Variants in NEK1 observed in about 807,000 individuals in gnomAD.
NEK1 encodes serine/threonine-protein kinase Nek1.
In NEK1, 137 loss-of-function variants were observed where a neutral mutation model predicts 182.1. The ratio of observed to expected loss-of-function variants is 0.75; its 90% CI spans 0.65 to 0.87. NEK1 has a LOEUF of 0.87. NEK1 is among the 40% of genes least tolerant of loss of function. The pLI, the probability that NEK1 is intolerant of heterozygous loss-of-function variation, is 0.00. For missense variants in NEK1, 1,391 were observed against 1,494.4 expected, an observed-to-expected ratio of 0.93 and a Z score of 1.14; for synonymous variants, 513 against 492.2, an observed-to-expected ratio of 1.04 and a Z score of -0.56.
At chr4:169,496,869 T>C (rs1439267164) in intron 23 of NEK1, among the ~76,000 whole-genome samples, 1 of 152,216 alleles carries the variant, frequency 6.6e-6, no homozygotes, top group Non-Finnish European at 1.5e-5. Context: ...AATTCTCTTT[T>C]TTTGTTGTGT....
chr4:169,444,940 C>T (rs1044698860), intron 27 of NEK1, among the ~76,000 whole-genome samples: 9 of 152,212 alleles, frequency 5.9e-5, no homozygotes, highest in Non-Finnish European at 8.8e-5. Context: ...AAATCAATCA[C>T]GAGAGGAACT....
intron 18 of NEK1, among the ~76,000 whole-genome samples, chr4:169,543,717 G>T (rs1321974754): frequency 2.0e-5 from 3 of 152,136 alleles, no homozygotes; most frequent in Non-Finnish European, 2.9e-5. Flanking sequence ...TTGTAAGTTG[G>T]ATTCCCAGGT....
In NEK1 at chr4:169,502,972, G is replaced by A. The variant is rs527697680; in HGVS notation, c.2007+4065C>T. Among the ~76,000 whole-genome samples the A allele has an allele frequency of 7.2e-5, 11 of 151,884 alleles. No individual in the cohort carries two copies. In the South Asian group the frequency reaches 2.3e-3, roughly 31 times the overall value. On this transcript the variant is annotated intron_variant, in intron 23 of 35. Coordinates refer to ENST00000507142, the MANE Select transcript of NEK1 (RefSeq NM_001199397.3). ...TTGTGGACAATTTAATTCTGTACCT[G>A]GAAAATTCTAACAATTCCACCATGA... is the stretch of plus-strand genomic sequence containing the variant.
chr4:169,601,530 A>G (rs943059180), intron 4 of NEK1, among the ~76,000 whole-genome samples: 52 of 152,146 alleles, frequency 3.4e-4, no homozygotes, highest in Non-Finnish European at 7.4e-5. Context: ...AGTGAGGTAC[A>G]GAGGAGCATA....
intron 26 of NEK1, among the ~76,000 whole-genome samples, chr4:169,470,108 G>C (rs1745678129): frequency 6.6e-6 from 1 of 151,930 alleles, no homozygotes; most frequent in African/African-American, 2.4e-5. Context: ...CTTTTAATTG[G>C]GGCATTTAGC....
At chr4:169,598,973 T>C in intron 5 of NEK1, 127 bp downstream of exon 5, 1 of 668,398 alleles carries the variant, frequency 1.5e-6, no homozygotes, top group South Asian at 1.9e-5. Context: ...GAGTAAACTA[T>C]TGATATACTA....
intron 33 of NEK1, 21 bp from the exon 34 acceptor site, chr4:169,400,672 A>G (rs1731508090): frequency 1.3e-6 from 2 of 1,531,186 alleles, no homozygotes; most frequent in African/African-American, 1.4e-5. Context: ...AAATTAAAAT[A>G]GAGATTTGAT....
chr4:169,507,661 C>T (rs1014968724), intron 22 of NEK1, 54 bp downstream of exon 22: 8 of 1,284,782 alleles, frequency 6.2e-6, no homozygotes, highest in Non-Finnish European at 7.8e-6. Context: ...ACACAATTTG[C>T]TATCTCAGCT....
Position 169,570,430 on chromosome 4 carries a change from C to A in NEK1, c.1020+6498G>T, listed in dbSNP as rs1221413315. 1.4e-4 allele frequency among the ~76,000 whole-genome samples: 21 copies of A among 151,734 alleles called. 1 individual carries two copies. Among genetic ancestry groups the A allele is most frequent in the Non-Finnish European group, 2.8e-4 (19 of 67,816 alleles). On this transcript the variant is annotated intron_variant, in intron 12 of 35. Transcript: ENST00000507142. ...GTTGGGGGGTCAGCCCCCCACCAGG[C>A]CAGCCGCCCAGTCTGGGAGGGAGGT...
chr4:169,407,339 C>A (rs913861016), intron 31 of NEK1, among the ~76,000 whole-genome samples: 1 of 152,204 alleles, frequency 6.6e-6, no homozygotes, highest in Non-Finnish European at 1.5e-5. Context: ...ATTGTAGGAA[C>A]TGCTGATTAG....
At chr4:169,501,358 T>C (rs1299629408) in intron 23 of NEK1, among the ~76,000 whole-genome samples, 1 of 151,276 alleles carries the variant, frequency 6.6e-6, no homozygotes, top group Admixed American at 6.6e-5. Flanking sequence ...GGCCCAAAAC[T>C]AATAAATTCT....
At chr4:169,408,933 G>A (rs897112855) in intron 31 of NEK1, among the ~76,000 whole-genome samples, 8 of 152,030 alleles carry the variant, frequency 5.3e-5, no homozygotes, top group Non-Finnish European at 1.5e-5. Context: ...CTATAAACAT[G>A]GGTGTGTGTG....
At chr4:169,491,582 C>T (rs547702600) in intron 23 of NEK1, among the ~76,000 whole-genome samples, 1 of 150,472 alleles carries the variant, frequency 6.6e-6, no homozygotes, top group Non-Finnish European at 1.5e-5. Flanking sequence ...GAATTCATCA[C>T]CTCTAGAACT....
intron 19 of NEK1, among the ~76,000 whole-genome samples, chr4:169,521,647 G>C (rs1233048785): frequency 6.6e-6 from 1 of 152,190 alleles, no homozygotes; most frequent in African/African-American, 2.4e-5. Context: ...TCCTGCATTT[G>C]AGAGTGTCTT....
At chr4:169,494,636 T>C (rs1011859316) in intron 23 of NEK1, among the ~76,000 whole-genome samples, 3 of 152,196 alleles carry the variant, frequency 2.0e-5, no homozygotes, top group Non-Finnish European at 4.4e-5. Context: ...CTGGGTCAAA[T>C]GGTATTTCTA....
At chr4:169,428,538 A>G (rs1736847139) in intron 29 of NEK1, among the ~76,000 whole-genome samples, 1 of 151,834 alleles carries the variant, frequency 6.6e-6, no homozygotes, top group South Asian at 2.1e-4. Context: ...CAGAGACAGA[A>G]AGCAGATTAG....
chr4:169,570,553 TG>T (rs1364941376), intron 12 of NEK1, among the ~76,000 whole-genome samples: 1 of 139,226 alleles, frequency 7.2e-6, no homozygotes, highest in Admixed American at 7.1e-5. Flanking sequence ...GGGAGGGAGG[TG>T]GGGGGGTCAG....
At chr4:169,596,404 T>C (rs1002489186) in intron 5 of NEK1, among the ~76,000 whole-genome samples, 1 of 152,222 alleles carries the variant, frequency 6.6e-6, no homozygotes, top group Non-Finnish European at 1.5e-5. Context: ...AAATTATTTA[T>C]GGTCACATGT....
At position 169,433,531 on chromosome 4, in the gene NEK1, A is replaced by G; in HGVS notation, c.2885+14T>C. ...GGACCTGGGTTTTAAAATGTCAGGAAAAGATGTACATACTGAGTTTCCTTT... is the reference window on the plus strand; with the variant it reads ...GGACCTGGGTTTTAAAATGTCAGGAGAAGATGTACATACTGAGTTTCCTTT... On this transcript the variant is annotated intron_variant, in intron 29 of 35. Transcript: ENST00000507142. The G allele has an allele frequency of 6.3e-7, 1 of 1,593,938 alleles. No individual in the cohort carries two copies. Among genetic ancestry groups the G allele is most frequent in the Non-Finnish European group, 8.5e-7 (1 of 1,173,304 alleles).
Sources: allele counts gnomAD v4.1 joint callset (sites outside exome capture counted in the v4.1 genomes callset), GRCh38; gene constraint gnomAD v4.1.1; transcripts MANE v1.5; gene names NCBI Gene and HGNC (gene_info 2026-07-23, HGNC 2026-07-21).